The following POP1 variants were observed in gnomAD, a reference collection of about 807,000 sequenced individuals.
POP1 encodes the protein POP1 ribonuclease P/MRP subunit, also known as ribonucleases P/MRP protein subunit POP1.
In POP1, 75 loss-of-function variants were observed where a neutral mutation model predicts 102.2. That is an observed-to-expected ratio of 0.73 (90% CI 0.61 to 0.89). The LOEUF (loss-of-function observed/expected upper bound fraction) is 0.89, where lower values mean the gene tolerates loss of function less well. POP1 is among the 40% of genes least tolerant of loss of function. The pLI is 0.00. For missense variants in POP1, 1,116 were observed against 1,267.4 expected (o/e 0.88, Z 1.81); for synonymous variants, 436 against 464.1 (o/e 0.94, Z 0.78).
At chr8:98,157,472 G>A (rs1809679516) in intron 15 of POP1, 145 bp from the exon 16 acceptor site, 1 of 912,676 alleles carries the variant, frequency 1.1e-6, no homozygotes, top group Admixed American at 2.4e-5. Context: ...GTACTACAGT[G>A]TATTTCTAAT....
In POP1 at chr8:98,135,707, A is replaced by T. The variant is rs75626022; in HGVS notation, c.1012-775A>T. ...AAAAATTAAAATTAAATTAAAAAAA[A>T]TTTTTTTTTCCCAGAGGGTTTTGCT... On this transcript the variant is annotated intron_variant, in intron 7 of 15. Coordinates refer to ENST00000401707, the MANE Select transcript of POP1 (RefSeq NM_001145860.2). Among the ~76,000 whole-genome samples the T allele has an allele frequency of 7.9e-3, 739 of 93,772 alleles. 7 individuals carry two copies. Among genetic ancestry groups the T allele is most frequent in the South Asian group, 0.036 (79 of 2,204 alleles). The allele number at this position is 93,772 out of a possible 152,430, so 61.5% of individuals were successfully genotyped here.
intron 11 of POP1, among the ~76,000 whole-genome samples, chr8:98,143,718 C>G (rs943034283): frequency 3.3e-5 from 5 of 152,334 alleles, no homozygotes; most frequent in Admixed American, 6.5e-5. Context: ...ATTCATCCCT[C>G]TTTTCCCCCT....
Position 98,136,891 on chromosome 8 carries a change from G to T in POP1, c.1299G>T (p.Arg433=). ...TGACGATGGAGATGAACAGATTCCGGCTGATTGGGCCACTTTCCCACTCCA... is the reference window on the plus strand; with the variant it reads ...TGACGATGGAGATGAACAGATTCCGTCTGATTGGGCCACTTTCCCACTCCA... The part of the protein sequence containing the change: ...SDLTMEMNRF[R]LIGPLSHSIL... Residue 433 remains arginine (R), a synonymous_variant, in exon 9 of 16, where the codon CGG becomes CGT. Coordinates refer to ENST00000401707, the MANE Select transcript of POP1 (RefSeq NM_001145860.2). The T allele has an allele frequency of 6.2e-7, 1 of 1,613,918 alleles. No individual in the cohort carries two copies. Among genetic ancestry groups the T allele is most frequent in the Non-Finnish European group, 8.5e-7 (1 of 1,179,806 alleles).
intron 13 of POP1, among the ~76,000 whole-genome samples, chr8:98,149,749 C>CT (rs1312065480): frequency 6.6e-6 from 1 of 151,844 alleles, no homozygotes; most frequent in Non-Finnish European, 1.5e-5. Flanking sequence ...GAGCGAGACT[C>CT]TGTCTCAAAA....
At chr8:98,131,526 C>T (rs1329519864) in intron 5 of POP1, among the ~76,000 whole-genome samples, 1 of 152,164 alleles carries the variant, frequency 6.6e-6, no homozygotes, top group Non-Finnish European at 1.5e-5. Context: ...GGCTTACTTC[C>T]ACCTTTTGGC....
intron 1 of POP1, among the ~76,000 whole-genome samples, chr8:98,119,988 C>G (rs964005853): frequency 6.6e-6 from 1 of 152,126 alleles, no homozygotes; most frequent in East Asian, 1.9e-4. Context: ...TAGTCTGGAC[C>G]CAAAGCTCAG....
intron 9 of POP1, among the ~76,000 whole-genome samples, chr8:98,137,458 AG>A (rs1816579103): frequency 1.3e-5 from 2 of 152,076 alleles, no homozygotes; most frequent in Admixed American, 1.3e-4. Flanking sequence ...GCACACCACC[AG>A]GCCCAGCTAG....
In POP1 at chr8:98,130,154, C is replaced by T. The variant is rs374323551; in HGVS notation, c.663C>T (p.Cys221=). 3 of 1,614,130 alleles carry T rather than the reference C, an allele frequency of 1.9e-6. No homozygotes were observed. Among genetic ancestry groups the T allele is most frequent in the South Asian group, 1.1e-5 (1 of 91,086 alleles). ...ATATGGTCAAGAAGTGGGGCTACTG[C>T]CTTGGGGAGAGGCCAACAGTCAAGA... is the stretch of plus-strand genomic sequence containing the variant. The part of the protein sequence containing the change: ...RFHMVKKWGY[C]LGERPTVKSH... Residue 221 remains cysteine, a synonymous_variant, in exon 5 of 16, where the codon TGC becomes TGT. Coordinates refer to ENST00000401707, the MANE Select transcript of POP1 (RefSeq NM_001145860.2).
chr8:98,153,146 T>A (rs1317096403), intron 14 of POP1, among the ~76,000 whole-genome samples: 1 of 152,104 alleles, frequency 6.6e-6, no homozygotes, highest in Non-Finnish European at 1.5e-5. Context: ...ATTTTTAAAT[T>A]TTTTGTAGAG....
intron 11 of POP1, among the ~76,000 whole-genome samples, chr8:98,144,400 C>A (rs1816790146): frequency 6.6e-6 from 1 of 152,030 alleles, no homozygotes; most frequent in Non-Finnish European, 1.5e-5. Flanking sequence ...CGCAGCCCCC[C>A]AAATAGCTGG....
chr8:98,139,722 CTG>C (rs1175050256), intron 9 of POP1, among the ~76,000 whole-genome samples: 3 of 148,880 alleles, frequency 2.0e-5, no homozygotes, highest in Admixed American at 6.7e-5. Flanking sequence ...GACAGTGAGA[CTG>C]TGTCAAGAAA....
chr8:98,122,300 T>G (rs1816054241), intron 1 of POP1, among the ~76,000 whole-genome samples: 1 of 152,204 alleles, frequency 6.6e-6, no homozygotes, highest in Admixed American at 6.5e-5. Flanking sequence ...GAGGCACTGG[T>G]ACAACACACC....
chr8:98,133,965 G>A lies in POP1; in HGVS notation c.752G>A (p.Cys251Tyr). The change falls in exon 6 of 16, where the codon TGT becomes TAT. Residue 251 changes from cysteine to tyrosine, a missense_variant. Coordinates refer to ENST00000401707, the MANE Select transcript of POP1 (RefSeq NM_001145860.2). Reference sequence around the variant, plus strand: ...TTTGTGCAGGATTTATCCTATTACTGTTGTTTGGAGTTGAAAGGCAAAGAG... The same window carrying A: ...TTTGTGCAGGATTTATCCTATTACTATTGTTTGGAGTTGAAAGGCAAAGAG... Reference protein sequence around the residue: ...RCLLQDLSYYCCLELKGKEEE... With the variant: ...RCLLQDLSYYYCLELKGKEEE... The A allele has an allele frequency of 1.2e-6, 2 of 1,612,948 alleles. No homozygotes were observed. The highest frequency in any genetic ancestry group is 1.7e-6 in the Non-Finnish European group (2 of 1,178,994).
chr8:98,155,929 GT>G (rs1809636015), intron 14 of POP1, 120 bp from the exon 15 acceptor site: 3 of 759,380 alleles, frequency 4.0e-6, no homozygotes, highest in Non-Finnish European at 6.7e-6. Context: ...GTGTGTGTGT[GT>G]GTGTGTGTGT....
At chr8:98,144,310 C>G (rs1816786275) in intron 11 of POP1, among the ~76,000 whole-genome samples, 3 of 152,080 alleles carry the variant, frequency 2.0e-5, no homozygotes, top group African/African-American at 7.2e-5. Context: ...GAGTCTCACT[C>G]TGTTGCCCAG....
At chr8:98,132,104 A>G (rs1432203284) in intron 5 of POP1, among the ~76,000 whole-genome samples, 1 of 152,236 alleles carries the variant, frequency 6.6e-6, no homozygotes, top group Non-Finnish European at 1.5e-5. Flanking sequence ...GATCAGCCCT[A>G]AGTAATAAAA....
At chr8:98,118,252 A>G (rs1815904748) in intron 1 of POP1, among the ~76,000 whole-genome samples, 1 of 152,070 alleles carries the variant, frequency 6.6e-6, no homozygotes, top group African/African-American at 2.4e-5. Flanking sequence ...TTTCATTGTC[A>G]TCTACTCCCT....
In POP1 at chr8:98,123,407, T is replaced by C; in HGVS notation, c.70T>C (p.Ser24Pro). The C allele has an allele frequency of 1.9e-6, 3 of 1,614,178 alleles. No homozygotes were observed. Among genetic ancestry groups the C allele is most frequent in the Non-Finnish European group, 2.5e-6 (3 of 1,180,002 alleles). Residue 24 changes from serine (S) to proline (P), a missense_variant, in exon 2 of 16, where the codon TCT (serine) becomes CCT (proline). By Grantham distance (74) the Ser-to-Pro change is moderately conservative (BLOSUM62 -1). Coordinates refer to ENST00000401707, the MANE Select transcript of POP1 (RefSeq NM_001145860.2). ...RNQPTNVTLS[S>P]GFVADRGVKH... ...CCAGCCTACCAATGTGACTCTGTCC[T>C]CTGGCTTTGTGGCTGACAGAGGTGT...
At chr8:98,149,417 A>G (rs1809459384) in intron 13 of POP1, among the ~76,000 whole-genome samples, 1 of 152,178 alleles carries the variant, frequency 6.6e-6, no homozygotes, top group Non-Finnish European at 1.5e-5. Context: ...GCAGCTAAAA[A>G]TTTTATTAGA....
Sources: gnomAD v4.1 joint callset for allele counts (sites outside exome capture counted in the v4.1 genomes callset) on GRCh38, gnomAD v4.1.1 for gene constraint, MANE v1.5 for transcripts, NCBI Gene and HGNC (gene_info 2026-07-23, HGNC 2026-07-21) for gene names.